SCFD2: variants seen among roughly 807,000 people sequenced by gnomAD.
SCFD2 encodes the protein sec1 family domain-containing protein 2.
A neutral mutation model predicts 58.9 loss-of-function variants in SCFD2; 54 were observed. The observed-to-expected ratio is 0.92, with a 90% CI of 0.74 to 1.15. The LOEUF (loss-of-function observed/expected upper bound fraction) is 1.15, where lower values mean the gene tolerates loss of function less well. SCFD2 is among the 50% of genes most tolerant of loss of function. The pLI is 0.00. For synonymous variants in SCFD2, 321 were observed against 335.9 expected (o/e 0.96, Z 0.49); for missense variants, 805 against 836.6 (o/e 0.96, Z 0.47).
chr4:53,007,305 G>GAGAGAGAGAGA (rs1721990724), intron 5 of SCFD2, among the ~76,000 whole-genome samples: 5 of 66,082 alleles, frequency 7.6e-5, no homozygotes, highest in African/African-American at 2.5e-4. Flanking sequence ...AGAGGGAGAG[G>GAGAGAGAGAGA]GAGAGAGAGA....
At chr4:53,280,843 T>C (rs1731486042) in intron 3 of SCFD2, among the ~76,000 whole-genome samples, 2 of 152,332 alleles carry the variant, frequency 1.3e-5, no homozygotes, top group East Asian at 1.9e-4. Context: ...CATACACAAC[T>C]GGCAAACAGG....
At chr4:53,303,543 G>C (rs1438730732) in intron 3 of SCFD2, among the ~76,000 whole-genome samples, 1 of 152,178 alleles carries the variant, frequency 6.6e-6, no homozygotes, top group African/African-American at 2.4e-5. Flanking sequence ...AGTCAGTGTG[G>C]CGATTCCTCA....
chr4:53,342,166 T>C (rs1470030491), intron 2 of SCFD2, among the ~76,000 whole-genome samples: 1 of 152,042 alleles, frequency 6.6e-6, no homozygotes, highest in African/African-American at 2.4e-5. Context: ...GACTGGCAAA[T>C]TGGATAAAGA....
At chr4:53,265,826 A>G (rs970087346) in intron 4 of SCFD2, among the ~76,000 whole-genome samples, 1 of 151,750 alleles carries the variant, frequency 6.6e-6, no homozygotes, top group African/African-American at 2.4e-5. Flanking sequence ...TGCAGCTTTG[A>G]CCTCCTGGGC....
chr4:53,095,847 T>C (rs1435664479), intron 5 of SCFD2, among the ~76,000 whole-genome samples: 3 of 151,952 alleles, frequency 2.0e-5, no homozygotes, highest in Admixed American at 1.3e-4. Context: ...ATTAGGTATA[T>C]ATCCTAATGC....
chr4:53,070,679 T>C (rs951662828), intron 5 of SCFD2, among the ~76,000 whole-genome samples: 16 of 152,096 alleles, frequency 1.1e-4, no homozygotes, highest in African/African-American at 3.4e-4. Flanking sequence ...GCTGATTATG[T>C]CCTACTTTTC....
chr4:52,903,142 T>G (rs1050872790), intron 7 of SCFD2, among the ~76,000 whole-genome samples: 1 of 152,194 alleles, frequency 6.6e-6, no homozygotes, highest in Admixed American at 6.5e-5. Context: ...TTCTGTTCTC[T>G]AGAGAAACAA....
intron 4 of SCFD2, among the ~76,000 whole-genome samples, chr4:53,198,401 A>G (rs529368481): frequency 6.6e-6 from 1 of 152,000 alleles, no homozygotes; most frequent in Non-Finnish European, 1.5e-5. Flanking sequence ...CAACTAAAAA[A>G]TTATATTAAA....
At chr4:52,930,970 C>G (rs74937554) in intron 5 of SCFD2, among the ~76,000 whole-genome samples, 1 of 152,036 alleles carries the variant, frequency 6.6e-6, no homozygotes, top group Non-Finnish European at 1.5e-5. Context: ...ACTTTGGGAC[C>G]TTTTTCCAGC....
chr4:53,360,075 G>A (rs2149172551), intron 1 of SCFD2, among the ~76,000 whole-genome samples: 1 of 152,322 alleles, frequency 6.6e-6, no homozygotes, highest in East Asian at 1.9e-4. Context: ...GTCTTAATAA[G>A]TAGAGGGGTT....
chr4:53,107,682 T>C (rs1449944611), intron 5 of SCFD2, among the ~76,000 whole-genome samples: 4 of 152,196 alleles, frequency 2.6e-5, no homozygotes, highest in African/African-American at 7.2e-5. Context: ...CTAACTATCC[T>C]AAATATATAT....
chr4:52,891,404 G>C (rs144760338), intron 7 of SCFD2, among the ~76,000 whole-genome samples: 1 of 152,170 alleles, frequency 6.6e-6, no homozygotes, highest in Non-Finnish European at 1.5e-5. Flanking sequence ...TCAGGTGGGG[G>C]AGGGTAAGTG....
chr4:53,203,343 G>T (rs1319421966), intron 4 of SCFD2, among the ~76,000 whole-genome samples: 3 of 151,800 alleles, frequency 2.0e-5, no homozygotes, highest in African/African-American at 7.3e-5. Context: ...TTTAAAAAGA[G>T]AAGGCATAAT....
chr4:52,982,638 A>G (rs540030368), intron 5 of SCFD2, among the ~76,000 whole-genome samples: 10 of 152,378 alleles, frequency 6.6e-5, no homozygotes, highest in African/African-American at 2.4e-4. Flanking sequence ...TGATTCATTT[A>G]TAAGATAGTT....
chr4:52,974,906 AC>A, intron 5 of SCFD2, among the ~76,000 whole-genome samples: 1 of 152,336 alleles, frequency 6.6e-6, no homozygotes, highest in East Asian at 1.9e-4. Flanking sequence ...CCTGACAAAA[AC>A]AAGAAATGGG....
At chr4:53,336,962 T>C (rs1379262209) in intron 2 of SCFD2, among the ~76,000 whole-genome samples, 1 of 152,134 alleles carries the variant, frequency 6.6e-6, no homozygotes, top group Non-Finnish European at 1.5e-5. Context: ...TCATTAGCCA[T>C]GAGGGAAATG....
chr4:53,059,442 T>G (rs1723441774), intron 5 of SCFD2, among the ~76,000 whole-genome samples: 2 of 152,136 alleles, frequency 1.3e-5, no homozygotes, highest in African/African-American at 4.8e-5. Flanking sequence ...TTTAGAGATG[T>G]TACGTATCCA....
intron 2 of SCFD2, among the ~76,000 whole-genome samples, chr4:53,326,039 A>C (rs1733184658): frequency 6.6e-6 from 1 of 152,260 alleles, no homozygotes; most frequent in Admixed American, 6.5e-5. Context: ...ACAACTTGCC[A>C]CATTAGCAGA....
intron 4 of SCFD2, among the ~76,000 whole-genome samples, chr4:53,195,675 C>T (rs755843738): frequency 2.6e-4 from 39 of 152,110 alleles, no homozygotes; most frequent in Admixed American, 1.0e-3. Flanking sequence ...AGAAATCGTA[C>T]GAACAACTGA....
Sources: gnomAD v4.1 joint callset for allele counts (sites outside exome capture counted in the v4.1 genomes callset) on GRCh38, gnomAD v4.1.1 for gene constraint, MANE v1.5 for transcripts, NCBI Gene and HGNC (gene_info 2026-07-23, HGNC 2026-07-21) for gene names.